Variants in ANO10 observed in about 807,000 individuals in gnomAD.
ANO10 encodes the protein anoctamin-10.
ANO10 carries 77 observed loss-of-function variants against 74.7 expected under a neutral mutation model. The ratio of observed to expected loss-of-function variants is 1.03; its 90% CI spans 0.86 to 1.25. The LOEUF is 1.25. Among genes scored for constraint, ANO10 ranks in the 50% most tolerant of loss-of-function variants. ANO10 has a pLI of 0.00. For synonymous variants in ANO10, 279 were observed against 284.9 expected (o/e 0.98, Z 0.21); for missense variants, 721 against 778.1 (o/e 0.93, Z 0.87).
chr3:43,589,216 A>T (rs2081611878), intron 4 of ANO10, among the ~76,000 whole-genome samples: 2 of 144,140 alleles, frequency 1.4e-5, no homozygotes, highest in South Asian at 2.1e-4. Context: ...CAGGGGTTAT[A>T]AAAAAATAGT....
chr3:43,520,614 G>A (rs886269334), intron 11 of ANO10, among the ~76,000 whole-genome samples: 5 of 152,154 alleles, frequency 3.3e-5, no homozygotes, highest in Admixed American at 2.6e-4. Flanking sequence ...TGAGTACACT[G>A]ATCTACATGT....
At chr3:43,627,995 T>A (rs887788210) in intron 1 of ANO10, among the ~76,000 whole-genome samples, 4 of 152,160 alleles carry the variant, frequency 2.6e-5, no homozygotes, top group Non-Finnish European at 5.9e-5. Flanking sequence ...CAGGCGATTC[T>A]CCTGCCTCAG....
chr3:43,644,575 C>T lies in ANO10; in HGVS notation c.-11-38712G>A, dbSNP rs186834291. Among the ~76,000 whole-genome samples, 427 of 152,334 alleles carry T rather than the reference C, an allele frequency of 2.8e-3. 2 individuals are homozygous for T. The highest frequency in any genetic ancestry group is 4.3e-3 in the Non-Finnish European group (291 of 68,028). On this transcript the variant is annotated intron_variant, in intron 1 of 3. Coordinates refer to the ANO10 transcript ENST00000413397. ...GCCTGCTCTCCTCCACAAGGCTCAC[C>T]TCTGTGGATGACATCACTCAGTAGC...
chr3:43,562,089 G>C (rs1322481770), intron 8 of ANO10, among the ~76,000 whole-genome samples: 4 of 152,062 alleles, frequency 2.6e-5, no homozygotes, highest in Non-Finnish European at 4.4e-5. Context: ...TGTATATTGA[G>C]GCAGGGTGCA....
At chr3:43,375,317 G>A (rs776455358) in intron 12 of ANO10, among the ~76,000 whole-genome samples, 5 of 149,372 alleles carry the variant, frequency 3.3e-5, no homozygotes, top group African/African-American at 5.0e-5. Flanking sequence ...GCGTGGTGGC[G>A]GGCGCCTGTA....
At chr3:43,665,679 C>A (rs2083982346) in intron 1 of ANO10, among the ~76,000 whole-genome samples, 1 of 152,114 alleles carries the variant, frequency 6.6e-6, no homozygotes, top group Admixed American at 6.6e-5. Context: ...ATTGCTCCTG[C>A]TCAAGAACAC....
chr3:43,515,245 T>C (rs776540710), intron 11 of ANO10, among the ~76,000 whole-genome samples: 5 of 152,208 alleles, frequency 3.3e-5, no homozygotes, highest in Non-Finnish European at 7.3e-5. Context: ...TGGATGAAAT[T>C]AGTATTTGAA....
At chr3:43,495,565 A>C (rs1296162153) in intron 11 of ANO10, among the ~76,000 whole-genome samples, 1 of 152,236 alleles carries the variant, frequency 6.6e-6, no homozygotes, top group African/African-American at 2.4e-5. Flanking sequence ...AGCTTAAGTC[A>C]TGTGTAGGCA....
intron 12 of ANO10, among the ~76,000 whole-genome samples, chr3:43,398,315 T>A (rs1254481520): frequency 6.6e-6 from 1 of 152,266 alleles, no homozygotes; most frequent in Non-Finnish European, 1.5e-5. Flanking sequence ...TAGATTAATG[T>A]AGATTAATTT....
chr3:43,541,522 G>C (rs2078953986), intron 11 of ANO10, among the ~76,000 whole-genome samples: 2 of 151,898 alleles, frequency 1.3e-5, no homozygotes, highest in Admixed American at 1.3e-4. Context: ...TTTTACTTAA[G>C]GGTTTTCTTA....
chr3:43,466,380 A>AAAAC (rs1553676992), intron 11 of ANO10, among the ~76,000 whole-genome samples: 2 of 85,300 alleles, frequency 2.3e-5, no homozygotes, highest in South Asian at 9.2e-4. Flanking sequence ...AAAAAAAAAA[A>AAAAC]AAAAAAACAA....
intron 11 of ANO10, among the ~76,000 whole-genome samples, chr3:43,502,585 G>A (rs1478880413): frequency 6.6e-6 from 1 of 152,116 alleles, no homozygotes; most frequent in Non-Finnish European, 1.5e-5. Flanking sequence ...AGAACCATGA[G>A]CCAAATAAAC....
At chr3:43,537,279 AAAG>A (rs1332639662) in intron 11 of ANO10, among the ~76,000 whole-genome samples, 1 of 152,156 alleles carries the variant, frequency 6.6e-6, no homozygotes, top group Non-Finnish European at 1.5e-5. Flanking sequence ...TTCCAGCATA[AAAG>A]AATATCAACA....
chr3:43,459,386 A>G (rs2075282507), intron 11 of ANO10, among the ~76,000 whole-genome samples: 1 of 152,164 alleles, frequency 6.6e-6, no homozygotes, highest in Non-Finnish European at 1.5e-5. Context: ...AGTAACAAAC[A>G]AGGTGGTATT....
chr3:43,485,143 T>A, intron 11 of ANO10: 1 of 800,324 alleles, frequency 1.2e-6, no homozygotes, highest in Non-Finnish European at 2.1e-6. Context: ...GTGATCTGGA[T>A]GGAGTGGGCC....
intron 5 of ANO10, among the ~76,000 whole-genome samples, chr3:43,578,972 G>C (rs1351766411): frequency 6.6e-6 from 1 of 151,946 alleles, no homozygotes; most frequent in Non-Finnish European, 1.5e-5. Flanking sequence ...TTTAGGGTTT[G>C]ATCTTACAAC....
Position 43,580,333 on chromosome 3 carries a change from G to A in ANO10, c.592+20C>T. 1 of 1,613,250 alleles carries A rather than the reference G, an allele frequency of 6.2e-7. No individual in the cohort carries two copies. Among genetic ancestry groups the A allele is most frequent in the Non-Finnish European group, 8.5e-7 (1 of 1,179,636 alleles). On this transcript the variant is annotated intron_variant, in intron 5 of 12. Coordinates refer to ENST00000292246, the MANE Select transcript of ANO10 (RefSeq NM_018075.5). ...TCAGAGGCCTTCCTCTTCTTTAAGA[G>A]AACAAGTACTGACACATACCTATGG...
chr3:43,561,743 T>TA (rs2080047027), intron 8 of ANO10, among the ~76,000 whole-genome samples: 1 of 152,218 alleles, frequency 6.6e-6, no homozygotes, highest in South Asian at 2.1e-4. Context: ...AGAGGATGGA[T>TA]ATGTTAACTA....
chr3:43,449,515 C>T (rs200474261), intron 11 of ANO10, among the ~76,000 whole-genome samples: 208 of 107,020 alleles, frequency 1.9e-3, no homozygotes, highest in Middle Eastern at 9.6e-3. Context: ...TATCTAGATT[C>T]TTTTTTTTTT....
Sources: allele counts gnomAD v4.1 joint callset (sites outside exome capture counted in the v4.1 genomes callset), GRCh38; gene constraint gnomAD v4.1.1; transcripts MANE v1.5; gene names NCBI Gene and HGNC (gene_info 2026-07-23, HGNC 2026-07-21).